Variants in CFAP65 observed in about 807,000 individuals in gnomAD.
The protein encoded by CFAP65 is cilia- and flagella-associated protein 65.
A neutral mutation model predicts 208.0 loss-of-function variants in CFAP65; 155 were observed. That is an observed-to-expected ratio of 0.75 (90% CI 0.65 to 0.85). The LOEUF (loss-of-function observed/expected upper bound fraction) is 0.85, where lower values mean the gene tolerates loss of function less well. Ranked by LOEUF, CFAP65 falls within the 40% of genes least tolerant of loss-of-function variation. The pLI, the probability that CFAP65 is intolerant of heterozygous loss-of-function variation, is 0.00. For synonymous variants in CFAP65, 970 were observed against 986.3 expected (o/e 0.98, Z 0.31); for missense variants, 2,294 against 2,451.3 (o/e 0.94, Z 1.36).
intron 4 of CFAP65, among the ~76,000 whole-genome samples, chr2:219,037,669 G>C (rs1391916865): frequency 6.6e-6 from 1 of 152,204 alleles, no homozygotes; most frequent in African/African-American, 2.4e-5. Context: ...TCCTAGCTCA[G>C]AGCAGAGCAG....
intron 15 of CFAP65, 113 bp downstream of exon 15, chr2:219,023,902 G>A: frequency 7.7e-7 from 1 of 1,294,440 alleles, no homozygotes; most frequent in Non-Finnish European, 1.1e-6. Flanking sequence ...TCCTGGAGGA[G>A]AAGTGGCCCC....
chr2:219,026,065 C>A lies in CFAP65; in HGVS notation c.2306G>T (p.Gly769Val), dbSNP rs527296066. 6.2e-7 allele frequency: 1 copy of A among 1,614,188 alleles called. No homozygotes were observed. The highest frequency in any genetic ancestry group is 1.7e-5 in the Admixed American group (1 of 60,032). The change falls in exon 14 of 35, where the codon GGC becomes GTC. Residue 769 changes from glycine (G) to valine (V), a missense_variant. Coordinates refer to ENST00000341552, the MANE Select transcript of CFAP65 (RefSeq NM_194302.4). ...VRARGHSYFA[G>V]FEHHIPQYSL... is the part of the protein sequence containing the mutation. ...ATACTGGGGGATGTGGTGCTCAAAG[C>A]CAGCGAAATAGCTGTGGCCTCGTGC...
chr2:219,039,088 C>T, intron 2 of CFAP65, 38 bp from the exon 3 acceptor site: 4 of 1,539,070 alleles, frequency 2.6e-6, no homozygotes, highest in Non-Finnish European at 3.5e-6. Flanking sequence ...CAATCCATCT[C>T]CAGAGCAGAG....
At position 219,031,911 on chromosome 2, in the gene CFAP65, G is replaced by GTTCCT. The variant is rs1553536207; in HGVS notation, c.646-254_646-253insAGGAA. ...GAAGAGGCCAAGGAATGTAGAAGGG[G>GTTCCT]TTTCTTTTCTTTTCTTTTTTTTTTT... On this transcript the variant is annotated intron_variant, in intron 6 of 34. Coordinates refer to ENST00000341552, the MANE Select transcript of CFAP65 (RefSeq NM_194302.4). The surrounding 1 kb of genome is among the most constrained non-coding windows in gnomAD (Gnocchi z 5.2). Among the ~76,000 whole-genome samples, 3 of 149,416 alleles carry GTTCCT rather than the reference G, an allele frequency of 2.0e-5. No homozygotes were observed. The highest frequency in any genetic ancestry group is 7.5e-5 in the African/African-American group (3 of 39,740).
At chr2:219,021,338 G>C in intron 18 of CFAP65, 58 bp from the exon 19 acceptor site, 1 of 1,490,490 alleles carries the variant, frequency 6.7e-7, no homozygotes, top group Non-Finnish European at 8.9e-7. Flanking sequence ...CATTCCTCCT[G>C]CTCCTTTGTA....
intron 2 of CFAP65, 31 bp from the exon 3 acceptor site, chr2:219,039,081 T>C: frequency 6.4e-7 from 1 of 1,564,222 alleles, no homozygotes; most frequent in East Asian, 2.3e-5. Flanking sequence ...CATAAGTCAA[T>C]CCATCTCCAG....
At position 219,004,033 on chromosome 2, in the gene CFAP65, G is replaced by T; in HGVS notation, c.5474C>A (p.Ser1825Tyr). The T allele has an allele frequency of 6.2e-7, 1 of 1,614,006 alleles. No individual in the cohort carries two copies. Among genetic ancestry groups the T allele is most frequent in the African/African-American group, 1.3e-5 (1 of 75,012 alleles). ...GPTPQPESQE[S>Y]MQWQWQQQLN... The stretch of plus-strand genomic sequence containing the variant: ...CTGCTGTTGCCACTGCCATTGCATG[G>T]ACTCCTGGGACTCAGGCTGTGGTGT... The change falls in exon 33 of 35, where the codon TCC becomes TAC. Residue 1825 changes from serine to tyrosine, a missense_variant. Physicochemically the swap from Ser to Tyr is moderately radical, Grantham distance 144. Coordinates refer to ENST00000341552, the MANE Select transcript of CFAP65 (RefSeq NM_194302.4). The surrounding 1 kb of genome is among the most constrained non-coding windows in gnomAD (Gnocchi z 4.7).
chr2:219,023,472 T>C, intron 15 of CFAP65, 41 bp from the exon 16 acceptor site: 1 of 1,401,180 alleles, frequency 7.1e-7, no homozygotes. Flanking sequence ...GACCTCACTC[T>C]GCAGTCCCAG....
intron 24 of CFAP65, among the ~76,000 whole-genome samples, chr2:219,012,400 A>T (rs879746890): frequency 2.0e-5 from 3 of 152,134 alleles, no homozygotes; most frequent in African/African-American, 7.2e-5. Flanking sequence ...ACTGTCACAG[A>T]CCCTAGTGGG....
chr2:219,004,163 C>T lies in CFAP65; in HGVS notation c.5344G>A (p.Glu1782Lys), dbSNP rs1945772900. 1 of 1,613,934 alleles carries T rather than the reference C, an allele frequency of 6.2e-7. No homozygotes were observed. Among genetic ancestry groups the T allele is most frequent in the Non-Finnish European group, 8.5e-7 (1 of 1,180,018 alleles). Residue 1782 changes from glutamate to lysine, a missense_variant, in exon 33 of 35, where the codon GAA becomes AAA. Physicochemically the swap from Glu to Lys is moderately conservative, Grantham distance 56 (BLOSUM62 1). Coordinates refer to ENST00000341552, the MANE Select transcript of CFAP65 (RefSeq NM_194302.4). The surrounding 1 kb of genome is among the most constrained non-coding windows in gnomAD (Gnocchi z 4.7). ...AACTCCTCCTCTTCTGTCTCCTCTT[C>T]TTCCTCCTCTTCCTCCTCCAACTCT... ...EEELEEEEEE[E>K]EETEEEELGK...
Position 219,021,803 on chromosome 2 carries a change from T to G in CFAP65, c.3107A>C (p.Glu1036Ala), listed in dbSNP as rs1314028115. The change falls in exon 18 of 35, where the codon GAG (glutamate) becomes GCG (alanine). Residue 1036 changes from glutamate to alanine, a missense_variant. This residue lies in a region of CFAP65 where 1,427 missense variants were observed against 1,438.7 expected (regional missense o/e 0.99). Transcript: ENST00000341552. ...YRLYLEQGSP[E>A]AVDNHPLALQ... ...ACCGAGGGGGTGGTTGTCAACGGCC[T>G]CAGGGCTGCCCTGCTCCAGGTAGAG... The G allele has an allele frequency of 1.2e-6, 2 of 1,613,526 alleles. No homozygotes were observed. Among genetic ancestry groups the G allele is most frequent in the African/African-American group, 2.7e-5 (2 of 74,912 alleles).
At chr2:219,014,984 A>T (rs1946761082) in intron 21 of CFAP65, 1 of 152,346 alleles carries the variant, frequency 6.6e-6, no homozygotes, top group Non-Finnish European at 1.4e-5. Context: ...CGCAACACAC[A>T]CCTGAGGAGA....
rs1948008730 is a variant in CFAP65 at position 219,031,279 on chromosome 2, T to C, written c.842A>G (p.Glu281Gly). The C allele has an allele frequency of 6.2e-7, 1 of 1,613,626 alleles. No homozygotes were observed. Among genetic ancestry groups the C allele is most frequent in the South Asian group, 1.1e-5 (1 of 91,052 alleles). The change falls in exon 8 of 35, where the codon GAG (glutamate) becomes GGG (glycine). Residue 281 changes from glutamate (E) to glycine (G), a missense_variant. This residue lies in a region of CFAP65 where 867 missense variants were observed against 1,012.6 expected (regional missense o/e 0.86). Coordinates refer to ENST00000341552, the MANE Select transcript of CFAP65 (RefSeq NM_194302.4). The surrounding 1 kb of genome is among the most constrained non-coding windows in gnomAD (Gnocchi z 5.2). ...CAGCATCTGGAATGGGCTGGAGAAC[T>C]CCCAGGTGAAGAAGGTGGGCAGGTC... ...VGDLPTFFTW[E>G]FSSPFQMLPA...
At chr2:219,029,853 G>T in intron 10 of CFAP65, 133 bp downstream of exon 10, 1 of 1,107,566 alleles carries the variant, frequency 9.0e-7, no homozygotes, top group South Asian at 1.5e-5. Flanking sequence ...TTCCCCACAG[G>T]GCCACCAGGG....
Position 219,038,510 on chromosome 2 carries a change from G to A in CFAP65, c.222C>T (p.Ser74=), listed in dbSNP as rs375797513. 4.2e-5 allele frequency: 67 copies of A among 1,614,058 alleles called. No homozygotes were observed. The Admixed American group carries it at 5.2e-4, about 12-fold the overall frequency. ...TCCTGCTGTTCCTGGACCTCACGACGGAGCTTGGAGCCTGGGTGAGCATCA... is the reference window on the plus strand; with the variant it reads ...TCCTGCTGTTCCTGGACCTCACGACAGAGCTTGGAGCCTGGGTGAGCATCA... ...KDMMLTQAPS[S]VVRSRNSRNH... is the part of the protein sequence containing the mutation. Residue 74 remains serine, a synonymous_variant, in exon 4 of 35, where the codon TCC becomes TCT. Transcript: ENST00000341552.
intron 1 of CFAP65, 102 bp from the exon 2 acceptor site, chr2:219,040,666 C>G (rs986184778): frequency 6.6e-7 from 1 of 1,524,030 alleles, no homozygotes; most frequent in Admixed American, 2.0e-5. Flanking sequence ...ACTGTACAGA[C>G]AGCTCCTGCC....
At chr2:219,019,210 T>C (rs751529035) in intron 20 of CFAP65, 31 bp from the exon 21 acceptor site, 3 of 1,591,298 alleles carry the variant, frequency 1.9e-6, no homozygotes, top group African/African-American at 2.7e-5. Context: ...GGTTCAGAGA[T>C]GGGGATGGGG....
rs1310896359 is a variant in CFAP65, at chr2:219,040,501, G to A, written c.-3+18C>T. On this transcript the variant is annotated intron_variant, in intron 2 of 34. Transcript: ENST00000341552. ...AGGTACTGTGCTAGGCACCAGACAAGGCAGGCAAGGCTCCTACCTCCAATT... is the reference window on the plus strand; with the variant it reads ...AGGTACTGTGCTAGGCACCAGACAAAGCAGGCAAGGCTCCTACCTCCAATT... 1.5e-6 allele frequency: 2 copies of A among 1,314,250 alleles called. No homozygotes were observed. Among genetic ancestry groups the A allele is most frequent in the East Asian group, 5.0e-5 (2 of 39,836 alleles). 81.4% of individuals were successfully genotyped at this position (1,314,250 alleles called of 1,614,324 possible).
chr2:219,019,565 A>T lies in CFAP65; in HGVS notation c.3414T>A (p.Ser1138Arg), dbSNP rs778627114. 2 of 1,613,646 alleles carry T rather than the reference A, an allele frequency of 1.2e-6. No individual in the cohort carries two copies. The highest frequency in any genetic ancestry group is 8.5e-7 in the Non-Finnish European group (1 of 1,180,008). The change falls in exon 20 of 35, where the codon AGT becomes AGA. Residue 1138 changes from serine (S) to arginine (R), a missense_variant. This residue lies in a region of CFAP65 where 1,427 missense variants were observed against 1,438.7 expected (regional missense o/e 0.99). Coordinates refer to ENST00000341552, the MANE Select transcript of CFAP65 (RefSeq NM_194302.4). The stretch of plus-strand genomic sequence containing the variant: ...AGGGGGTGGGGTCACGCTCCAAGTA[A>T]CTGTTAAGCAGGTCCAGAGAGAAGA... ...WRLFSLDLLN[S>R]YLERDPTPCE...
Sources: gnomAD v4.1 joint callset for allele counts (sites outside exome capture counted in the v4.1 genomes callset) on GRCh38, gnomAD v4.1.1 for gene constraint, gnomAD v4.1.1 regional missense constraint, Gnocchi (gnomAD v3.1) non-coding constraint, MANE v1.5 for transcripts, NCBI Gene and HGNC (gene_info 2026-07-23, HGNC 2026-07-21) for gene names.